Variants in PTPRD observed in about 807,000 individuals in gnomAD.
PTPRD encodes the protein protein tyrosine phosphatase receptor type D, also known as receptor-type tyrosine-protein phosphatase delta.
Under a neutral mutation model 214.5 loss-of-function variants are expected in PTPRD, and 34 were observed. The observed-to-expected ratio is 0.16, with a 90% CI of 0.12 to 0.21. PTPRD has a LOEUF of 0.21. PTPRD is among the 10% of genes least tolerant of loss of function. PTPRD has a pLI of 1.00. For synonymous variants in PTPRD, 1,128 were observed against 845.7 expected, an observed-to-expected ratio of 1.33 and a Z score of -5.79; for missense variants, 2,545 against 2,398.7, an observed-to-expected ratio of 1.06 and a Z score of -1.27.
intron 2 of PTPRD, among the ~76,000 whole-genome samples, chr9:10,546,338 T>A (rs887113606): frequency 1.3e-5 from 2 of 152,026 alleles, no homozygotes; most frequent in African/African-American, 4.8e-5. Flanking sequence ...AAGGAACCAG[T>A]AGTTCTAGCT....
intron 8 of PTPRD, among the ~76,000 whole-genome samples, chr9:9,506,719 G>C (rs1415023543): frequency 6.6e-6 from 1 of 151,342 alleles, no homozygotes; most frequent in Non-Finnish European, 1.5e-5. Flanking sequence ...TAGTGGAAAA[G>C]CACATTAAGA....
chr9:9,395,183 G>C (rs1284659369), intron 9 of PTPRD, among the ~76,000 whole-genome samples: 1 of 124,432 alleles, frequency 8.0e-6, no homozygotes, highest in African/African-American at 2.7e-5. Flanking sequence ...CCAGGAACAT[G>C]AAACAAAAAA....
chr9:9,596,048 T>C (rs751184363), intron 7 of PTPRD, among the ~76,000 whole-genome samples: 4 of 152,056 alleles, frequency 2.6e-5, no homozygotes, highest in South Asian at 2.1e-4. Context: ...TATGTCCTTA[T>C]GCAAGAGTTT....
In PTPRD at chr9:8,499,973, C is replaced by G. The variant is rs182678157; in HGVS notation, c.2129-133G>C. 279 of 417,790 alleles carry G rather than the reference C, an allele frequency of 6.7e-4. 1 individual carries two copies. The highest frequency in any genetic ancestry group is 1.1e-3 in the Middle Eastern group (3 of 2,724). 25.9% of individuals were successfully genotyped at this position (417,790 alleles called of 1,614,324 possible). On this transcript the variant is annotated intron_variant, in intron 24 of 45. Transcript: ENST00000381196. The stretch of plus-strand genomic sequence containing the variant: ...CCCACTATGTTTTCTTTGAAGAATA[C>G]AAACATTTTCAACCAATGAAAATGC...
intron 11 of PTPRD, chr9:8,962,254 T>C (rs576863703): frequency 6.6e-6 from 1 of 152,276 alleles, no homozygotes; most frequent in East Asian, 1.9e-4. Flanking sequence ...CAGGCATCAT[T>C]TCCTTTGCAG....
intron 13 of PTPRD, among the ~76,000 whole-genome samples, chr9:8,636,206 G>A (rs557983077): frequency 2.6e-5 from 4 of 152,254 alleles, no homozygotes; most frequent in African/African-American, 9.6e-5. Context: ...GGAAAATTCT[G>A]CTCTTTCATT....
chr9:10,231,956 TAGAGAG>T (rs56151511), intron 3 of PTPRD, among the ~76,000 whole-genome samples: 7,995 of 108,304 alleles, frequency 0.074, 308 homozygotes, highest in Non-Finnish European at 0.094. Context: ...GGGAATGAAT[TAGAGAG>T]AGAGAGAGAG....
intron 35 of PTPRD, among the ~76,000 whole-genome samples, chr9:8,408,313 C>G (rs546146027): frequency 6.6e-6 from 1 of 152,182 alleles, no homozygotes; most frequent in South Asian, 2.1e-4. Flanking sequence ...TCTTAATGGA[C>G]TCAATTCCTT....
At chr9:8,467,108 CAAT>C (rs1281824294) in intron 31 of PTPRD, among the ~76,000 whole-genome samples, 3 of 151,818 alleles carry the variant, frequency 2.0e-5, no homozygotes, top group Non-Finnish European at 4.4e-5. Flanking sequence ...CATTATTTTT[CAAT>C]AATATTTAAT....
intron 7 of PTPRD, among the ~76,000 whole-genome samples, chr9:9,711,961 A>C (rs2097742271): frequency 6.6e-6 from 1 of 152,184 alleles, no homozygotes; most frequent in Non-Finnish European, 1.5e-5. Context: ...CCTGGGCACA[A>C]ATACTGTCAT....
At chr9:9,295,169 G>T (rs1952574343) in intron 9 of PTPRD, among the ~76,000 whole-genome samples, 1 of 151,668 alleles carries the variant, frequency 6.6e-6, no homozygotes, top group South Asian at 2.1e-4. Context: ...GATTTCAGGG[G>T]AAGAATCTAA....
At chr9:9,042,614 C>CTTTTTTTTTTTTT in intron 10 of PTPRD, among the ~76,000 whole-genome samples, 1 of 112,472 alleles carries the variant, frequency 8.9e-6, no homozygotes, top group African/African-American at 3.6e-5. Flanking sequence ...TCTTTTTTTT[C>CTTTTTTTTTTTTT]TTTTCTTTTT....
At chr9:9,932,727 C>T (rs1602688317) in intron 5 of PTPRD, among the ~76,000 whole-genome samples, 13 of 101,914 alleles carry the variant, frequency 1.3e-4, no homozygotes, top group Middle Eastern at 4.2e-3. Flanking sequence ...ATACAGAGAA[C>T]GCCACAAAGA....
chr9:10,263,505 T>A (rs1257393777), intron 3 of PTPRD, among the ~76,000 whole-genome samples: 1 of 152,144 alleles, frequency 6.6e-6, no homozygotes, highest in Admixed American at 6.5e-5. Context: ...TAAAGGTCAC[T>A]CTTGCTAGGC....
At chr9:10,078,455 G>A (rs953759227) in intron 3 of PTPRD, among the ~76,000 whole-genome samples, 2 of 145,058 alleles carry the variant, frequency 1.4e-5, no homozygotes, top group African/African-American at 2.6e-5. Context: ...GGTGGAGCTC[G>A]TAGTGAGCCA....
chr9:9,054,307 G>A (rs1295791084), intron 10 of PTPRD, among the ~76,000 whole-genome samples: 3 of 152,100 alleles, frequency 2.0e-5, no homozygotes, highest in East Asian at 1.9e-4. Context: ...AGACACTTGC[G>A]TCTTGTTCAT....
At chr9:9,245,927 A>G (rs998038953) in intron 9 of PTPRD, among the ~76,000 whole-genome samples, 2 of 152,064 alleles carry the variant, frequency 1.3e-5, no homozygotes, top group Non-Finnish European at 2.9e-5. Context: ...GCTTTCAGAT[A>G]TTTTTAAAAG....
chr9:9,161,654 T>C (rs1006851561), intron 10 of PTPRD, among the ~76,000 whole-genome samples: 11 of 152,144 alleles, frequency 7.2e-5, no homozygotes, highest in Non-Finnish European at 1.6e-4. Context: ...AGAATACTGG[T>C]ATTCCTTGTT....
chr9:9,089,442 T>C (rs545654417), intron 10 of PTPRD, among the ~76,000 whole-genome samples: 140 of 152,308 alleles, frequency 9.2e-4, no homozygotes, highest in Non-Finnish European at 1.8e-3. Context: ...CGAATATTAA[T>C]ATTTGATCTG....
Sources: gnomAD v4.1 joint callset for allele counts (sites outside exome capture counted in the v4.1 genomes callset) on GRCh38, gnomAD v4.1.1 for gene constraint, MANE v1.5 for transcripts, NCBI Gene and HGNC (gene_info 2026-07-23, HGNC 2026-07-21) for gene names.